XPO5: variants seen among roughly 807,000 people sequenced by gnomAD.
The protein encoded by XPO5 is exportin-5.
XPO5 carries 46 observed loss-of-function variants against 160.6 expected under a neutral mutation model. The observed-to-expected ratio is 0.29, with a 90% CI of 0.23 to 0.37. XPO5 has a LOEUF of 0.37. Among genes scored for constraint, XPO5 ranks in the 10% least tolerant of loss-of-function variants. The probability of loss-of-function intolerance (pLI) is 1.00; values close to 1 mark genes in which losing one functional copy is unlikely to be tolerated. For missense variants in XPO5, 1,090 were observed against 1,463.9 expected, an observed-to-expected ratio of 0.74 and a Z score of 4.17; for synonymous variants, 537 against 519.3, an observed-to-expected ratio of 1.03 and a Z score of -0.46.
chr6:43,528,000 A>G (rs1468558299), intron 25 of XPO5, among the ~76,000 whole-genome samples, 159 bp downstream of exon 25: 2 of 152,192 alleles, frequency 1.3e-5, no homozygotes, highest in African/African-American at 4.8e-5. Flanking sequence ...CCTGCTGGTA[A>G]CAGCCTGTCC....
At chr6:43,533,845 A>G in intron 21 of XPO5, 62 bp downstream of exon 21, 1 of 1,308,914 alleles carries the variant, frequency 7.6e-7, no homozygotes, top group Non-Finnish European at 1.1e-6. Context: ...AAAACAACAA[A>G]AAAAGGGGAC....
Position 43,575,985 on chromosome 6 carries a change from T to G in XPO5, c.-121A>C. 17 of 908,154 alleles carry G rather than the reference T, an allele frequency of 1.9e-5. No individual in the cohort carries two copies. Among genetic ancestry groups the G allele is most frequent in the Non-Finnish European group, 2.9e-5 (17 of 589,802 alleles). 56.3% of individuals were successfully genotyped at this position (908,154 alleles called of 1,614,324 possible). A position where few individuals can be genotyped will look rare whatever the true frequency, so the allele number is the denominator to read the frequency against. On this transcript the variant is annotated 5_prime_UTR_variant, in exon 1 of 32. Transcript: ENST00000265351. ...GCGGCGGGCGGCGGGGGTGGGAAGC[T>G]GGAGGAGGAGCGTTAGCAGCAACTC...
In XPO5 at chr6:43,575,376, T is replaced by C. The variant is rs113094510; in HGVS notation, c.105+384A>G. Among the ~76,000 whole-genome samples, 57 of 149,290 alleles carry C rather than the reference T, an allele frequency of 3.8e-4. 1 individual carries two copies. Among genetic ancestry groups the C allele is most frequent in the Middle Eastern group, 3.5e-3 (1 of 286 alleles). On this transcript the variant is annotated intron_variant, in intron 1 of 31. Coordinates refer to ENST00000265351, the MANE Select transcript of XPO5 (RefSeq NM_020750.3). ...CAGGAGAGACCATAAAGAACGAAGC[T>C]GGTGTTGGGGGCGGGATCTACACGT...
At chr6:43,533,828 C>T (rs972355215) in intron 21 of XPO5, 79 bp downstream of exon 21, 3 of 1,101,592 alleles carry the variant, frequency 2.7e-6, no homozygotes, top group Non-Finnish European at 3.9e-6. Flanking sequence ...GAGACTATGA[C>T]TCTTAAAAAA....
At chr6:43,528,967 T>C (rs1793773017) in intron 23 of XPO5, 42 bp from the exon 24 acceptor site, 1 of 1,566,444 alleles carries the variant, frequency 6.4e-7, no homozygotes, top group African/African-American at 1.4e-5. Flanking sequence ...TAGGCACACA[T>C]CTCTCACCTG....
intron 20 of XPO5, chr6:43,539,786 G>A (rs1234310797): frequency 8.8e-6 from 5 of 570,154 alleles, no homozygotes; most frequent in African/African-American, 3.8e-5. Context: ...GTTCCTTGAA[G>A]GTCTGGGAGA....
chr6:43,573,719 C>G, intron 1 of XPO5, 118 bp from the exon 2 acceptor site: 4 of 1,235,192 alleles, frequency 3.2e-6, no homozygotes, highest in Non-Finnish European at 4.3e-6. Flanking sequence ...TGTCCCAGCA[C>G]TCTGGGAGGC....
chr6:43,536,093 G>A (rs1794304180), intron 20 of XPO5, among the ~76,000 whole-genome samples: 1 of 151,472 alleles, frequency 6.6e-6, no homozygotes, highest in South Asian at 2.1e-4. Flanking sequence ...GGGTGACAGA[G>A]CGAGACTCCC....
chr6:43,559,319 T>C (rs1029956243), intron 11 of XPO5, among the ~76,000 whole-genome samples: 2 of 152,066 alleles, frequency 1.3e-5, no homozygotes, highest in Admixed American at 6.6e-5. Flanking sequence ...AGAACACCAG[T>C]GTGTGCTATG....
intron 22 of XPO5, 65 bp downstream of exon 22, chr6:43,531,414 C>T (rs1793968921): frequency 6.8e-7 from 1 of 1,466,990 alleles, no homozygotes; most frequent in South Asian, 1.1e-5. Flanking sequence ...AAGTCCAACC[C>T]ATGGACATTC....
At chr6:43,561,146 A>T (rs564765147) in intron 9 of XPO5, 139 bp from the exon 10 acceptor site, 16 of 683,916 alleles carry the variant, frequency 2.3e-5, no homozygotes, top group Non-Finnish European at 3.5e-5. Flanking sequence ...TTTTGGCTAA[A>T]GAAAGGCATC....
At chr6:43,573,433 A>G in intron 2 of XPO5, 47 bp downstream of exon 2, 1 of 1,607,746 alleles carries the variant, frequency 6.2e-7, no homozygotes. Context: ...TAAGATATAA[A>G]GATCTGTTCT....
intron 8 of XPO5, 119 bp downstream of exon 8, chr6:43,565,541 G>C (rs1762653612): frequency 1.1e-6 from 1 of 894,544 alleles, no homozygotes; most frequent in Non-Finnish European, 1.6e-6. Flanking sequence ...CTCCAGCCTG[G>C]GTGACAGAGC....
chr6:43,550,488 A>G (rs1795175860), intron 15 of XPO5, among the ~76,000 whole-genome samples: 1 of 151,810 alleles, frequency 6.6e-6, no homozygotes, highest in South Asian at 2.1e-4. Flanking sequence ...GGGGCTTCTC[A>G]TTTTTTTCTC....
rs1156409970 is a variant in XPO5 at position 43,570,586 on chromosome 6, C to T, written c.537G>A (p.Gln179=). 6.2e-7 allele frequency: 1 copy of T among 1,613,670 alleles called. No individual in the cohort carries two copies. Among genetic ancestry groups the T allele is most frequent in the Admixed American group, 1.7e-5 (1 of 59,990 alleles). The change falls in exon 5 of 32, where the codon CAG becomes CAA. Residue 179 remains glutamine, a synonymous_variant. Transcript: ENST00000265351. The part of the protein sequence containing the change: ...TLPPQRRRDI[Q]QTLTQNMERI... Reference sequence around the variant, plus strand: ...TTTCCATGTTCTGGGTTAATGTTTGCTGGATGTCCCTTCTTCTTTGAGGGG... The same window carrying T: ...TTTCCATGTTCTGGGTTAATGTTTGTTGGATGTCCCTTCTTCTTTGAGGGG...
rs772085793 is a variant in XPO5 at position 43,548,275 on chromosome 6, A to C, written c.2046T>G (p.Ser682=). 3.7e-6 allele frequency: 6 copies of C among 1,610,218 alleles called. No individual in the cohort carries two copies. The part of the protein sequence containing the change: ...LMAPVASIWL[S]QDMHRVLSDV... ...ATCTCCTTTACCTGTGCATGTCTTG[A>C]GAAAGCCAGATGCTGGCCACTGGTG... Residue 682 remains serine (S), a synonymous_variant, in exon 18 of 32, where the codon TCT becomes TCG. Coordinates refer to ENST00000265351, the MANE Select transcript of XPO5 (RefSeq NM_020750.3).
chr6:43,564,752 T>C (rs1188042990), intron 8 of XPO5, among the ~76,000 whole-genome samples: 1 of 151,842 alleles, frequency 6.6e-6, no homozygotes, highest in African/African-American at 2.4e-5. Flanking sequence ...CAAGTACACA[T>C]ACCACCACAC....
chr6:43,553,515 A>C lies in XPO5; in HGVS notation c.1442-12T>G. 1.9e-6 allele frequency: 3 copies of C among 1,546,928 alleles called. No individual in the cohort carries two copies. The highest frequency in any genetic ancestry group is 2.6e-6 in the Non-Finnish European group (3 of 1,146,810). On this transcript the variant is annotated splice_polypyrimidine_tract_variant and intron_variant, in intron 13 of 31. Coordinates refer to ENST00000265351, the MANE Select transcript of XPO5 (RefSeq NM_020750.3). The stretch of plus-strand genomic sequence containing the variant: ...AACTGCAGAACAAGCTTTAAAACAC[A>C]CACACACACATACACACACACACAC...
intron 19 of XPO5, among the ~76,000 whole-genome samples, chr6:43,546,982 A>G (rs1035957121): frequency 6.6e-6 from 1 of 152,184 alleles, no homozygotes; most frequent in African/African-American, 2.4e-5. Context: ...CTTCCCTTGC[A>G]GTAAGCTGTC....
Sources: allele counts gnomAD v4.1 joint callset (sites outside exome capture counted in the v4.1 genomes callset), GRCh38; gene constraint gnomAD v4.1.1; transcripts MANE v1.5; gene names NCBI Gene and HGNC (gene_info 2026-07-23, HGNC 2026-07-21).